Variants in SEH1L observed in about 807,000 individuals in gnomAD.
SEH1L encodes the protein SEH1 like nucleoporin.
SEH1L carries 18 observed loss-of-function variants against 49.5 expected under a neutral mutation model. The observed-to-expected ratio is 0.36, with a 90% CI of 0.25 to 0.54. The LOEUF is 0.54. Among genes scored for constraint, SEH1L ranks in the 20% least tolerant of loss-of-function variants. The pLI, the probability that SEH1L is intolerant of heterozygous loss-of-function variation, is 0.87. For synonymous variants in SEH1L, 169 were observed against 178.1 expected, an observed-to-expected ratio of 0.95 and a Z score of 0.41; for missense variants, 404 against 528.8, an observed-to-expected ratio of 0.76 and a Z score of 2.31.
chr18:12,967,357 C>T (rs2031495797), intron 4 of SEH1L, among the ~76,000 whole-genome samples: 1 of 152,190 alleles, frequency 6.6e-6, no homozygotes, highest in African/African-American at 2.4e-5. Context: ...TTTGAATACA[C>T]CTATTTTCTC....
chr18:12,954,357 C>T (rs1031201054), intron 2 of SEH1L, among the ~76,000 whole-genome samples: 1 of 152,224 alleles, frequency 6.6e-6, no homozygotes. Flanking sequence ...ATTTGGGCTT[C>T]CCCATATTTG....
intron 4 of SEH1L, among the ~76,000 whole-genome samples, chr18:12,970,922 G>A (rs1352562352): frequency 6.6e-6 from 1 of 152,162 alleles, no homozygotes; most frequent in African/African-American, 2.4e-5. Flanking sequence ...TGAGCCATAA[G>A]AATATGCTAA....
intron 4 of SEH1L, among the ~76,000 whole-genome samples, chr18:12,966,883 G>T (rs1398684700): frequency 6.6e-6 from 1 of 151,962 alleles, no homozygotes; most frequent in African/African-American, 2.4e-5. Context: ...TGGAGATTTA[G>T]TACTCCATCT....
chr18:12,952,387 G>A (rs932342536), intron 2 of SEH1L, among the ~76,000 whole-genome samples: 2 of 151,876 alleles, frequency 1.3e-5, no homozygotes, highest in African/African-American at 2.4e-5. Flanking sequence ...CGTGCACCAC[G>A]ATGCCCGGCT....
intron 8 of SEH1L, chr18:12,985,402 G>T: frequency 7.3e-7 from 1 of 1,366,730 alleles, no homozygotes; most frequent in Non-Finnish European, 9.5e-7. Context: ...CAATCCAAAA[G>T]GCCTTTAAAA....
At chr18:12,971,336 T>A (rs1426924220) in intron 5 of SEH1L, 85 bp downstream of exon 5, 3 of 904,004 alleles carry the variant, frequency 3.3e-6, no homozygotes, top group Non-Finnish European at 3.5e-6. Context: ...TACAGAATTA[T>A]GTGTCATTCA....
intron 2 of SEH1L, among the ~76,000 whole-genome samples, chr18:12,953,749 A>G (rs2030690536): frequency 6.6e-6 from 1 of 152,238 alleles, no homozygotes; most frequent in African/African-American, 2.4e-5. Context: ...GTGTTGTGTA[A>G]CTACCACCTT....
chr18:12,971,818 C>T (rs2031716751), intron 5 of SEH1L: 1 of 152,250 alleles, frequency 6.6e-6, no homozygotes, highest in Non-Finnish European at 1.5e-5. Flanking sequence ...TAGAAGATGA[C>T]CTATAGGGTG....
Position 12,948,528 on chromosome 18 carries a change from C to T in SEH1L, c.111+296C>T, listed in dbSNP as rs550598943. ...GCGCTGCCGGGGCTGCGGGCGGGAA[C>T]CCAGGGGCATCCCACCGTCAGCCTC... On this transcript the variant is annotated intron_variant, in intron 1 of 8. Transcript: ENST00000399892. The T allele has an allele frequency of 6.3e-5, 16 of 255,294 alleles. No homozygotes were observed. In the South Asian group the frequency reaches 1.8e-3, roughly 29 times the overall value. 15.8% of individuals were successfully genotyped at this position (255,294 alleles called of 1,614,324 possible).
chr18:12,980,097 C>T (rs1158770616), intron 6 of SEH1L, among the ~76,000 whole-genome samples: 2 of 113,402 alleles, frequency 1.8e-5, no homozygotes, highest in Non-Finnish European at 3.6e-5. Context: ...CCCCCCCCAC[C>T]TCCCTCCCGG....
intron 5 of SEH1L, chr18:12,976,366 G>A (rs994257381): frequency 2.0e-5 from 3 of 152,316 alleles, no homozygotes; most frequent in African/African-American, 7.2e-5. Context: ...TAGAAAACAA[G>A]CCACGGGCCC....
At chr18:12,980,430 A>C (rs868575535) in intron 6 of SEH1L, among the ~76,000 whole-genome samples, 806 of 33,308 alleles carry the variant, frequency 0.024, 34 homozygotes, top group Middle Eastern at 0.14. Context: ...CTGACCCCCC[A>C]ACCTCCCTCC....
At chr18:12,975,889 C>T (rs2031897795) in intron 5 of SEH1L, 2 of 985,332 alleles carry the variant, frequency 2.0e-6, no homozygotes, top group African/African-American at 1.7e-5. Flanking sequence ...TCACGTGAGT[C>T]TTGGTTTCTG....
rs375889149 is a variant in SEH1L at position 12,951,843 on chromosome 18, ATTTTC to A, written c.112-9_112-5del. The A allele has an allele frequency of 1.1e-3, 1,716 of 1,536,520 alleles. 27 individuals are homozygous for A. In the African/African-American group the frequency reaches 0.021, roughly 19 times the overall value. ...TTTTTGTATAAAATATCTGCCTTTT[ATTTTC>A]TTATAGGTCTGGGATAAAAGTGAAA... On this transcript the variant is annotated splice_polypyrimidine_tract_variant and splice_region_variant and intron_variant, in intron 1 of 8. Coordinates refer to ENST00000399892, the MANE Select transcript of SEH1L (RefSeq NM_001013437.2).
intron 3 of SEH1L, among the ~76,000 whole-genome samples, chr18:12,958,201 A>G (rs113341624): frequency 0.021 from 3,053 of 147,136 alleles, 55 homozygotes; most frequent in Non-Finnish European, 0.028. Context: ...TTCCTGCCTC[A>G]GTCTCCTGAG....
rs2031898276 is a variant in SEH1L, at chr18:12,975,905, G to C, written c.621-2847G>C. 4 of 983,182 alleles carry C rather than the reference G, an allele frequency of 4.1e-6. No individual in the cohort carries two copies. The Admixed American group carries it at 2.5e-4, about 60-fold the overall frequency. The allele number at this position is 983,182 out of a possible 1,614,324, so 60.9% of individuals were successfully genotyped here. ...CACGTGAGTCTTGGTTTCTGACCTA[G>C]CTGATGGTAGTGCCACTTGTTGAGA... On this transcript the variant is annotated intron_variant, in intron 5 of 8. Coordinates refer to ENST00000399892, the MANE Select transcript of SEH1L (RefSeq NM_001013437.2).
chr18:12,959,151 T>C (rs773112779), intron 3 of SEH1L, among the ~76,000 whole-genome samples: 59 of 152,228 alleles, frequency 3.9e-4, no homozygotes, highest in Middle Eastern at 3.2e-3. Flanking sequence ...TATGTCTTCC[T>C]GGGGAAAATA....
At chr18:12,955,946 C>T (rs1248860511) in intron 3 of SEH1L, among the ~76,000 whole-genome samples, 5 of 151,780 alleles carry the variant, frequency 3.3e-5, no homozygotes, top group Middle Eastern at 3.2e-3. Flanking sequence ...CCTGGCCCCA[C>T]CTCAGCCTCC....
intron 5 of SEH1L, chr18:12,972,797 G>A (rs1487269944): frequency 6.6e-6 from 1 of 152,226 alleles, no homozygotes; most frequent in Admixed American, 6.5e-5. Context: ...TAAAAACTAT[G>A]AGCCCTATTA....
Sources: allele counts gnomAD v4.1 joint callset (sites outside exome capture counted in the v4.1 genomes callset), GRCh38; gene constraint gnomAD v4.1.1; transcripts MANE v1.5; gene names NCBI Gene and HGNC (gene_info 2026-07-23, HGNC 2026-07-21).